ADGRG6: variants seen among roughly 807,000 people sequenced by gnomAD.
ADGRG6 encodes the protein G-protein coupled receptor 126.
In ADGRG6, 84 loss-of-function variants were observed where a neutral mutation model predicts 142.4. The observed-to-expected ratio is 0.59, with a 90% confidence interval of 0.49 to 0.71. The LOEUF is 0.71. ADGRG6 is among the 30% of genes least tolerant of loss of function. ADGRG6 has a pLI of 0.00. For missense variants in ADGRG6, 1,367 were observed against 1,466.6 expected (o/e 0.93, Z 1.11); for synonymous variants, 521 against 520.5 (o/e 1.00, Z -0.01).
Position 142,403,771 on chromosome 6 carries a change from T to C in ADGRG6, c.1956-31T>C. ...TTAAGAATCTAAAATATCATATTAC[T>C]TAATAGTGGCATTTTTTGTCGTTAC... On this transcript the variant is annotated intron_variant, in intron 13 of 24. Coordinates refer to ENST00000367609, the MANE Select transcript of ADGRG6 (RefSeq NM_198569.3). The C allele has an allele frequency of 2.2e-6, 3 of 1,392,976 alleles. No individual in the cohort carries two copies. The South Asian group carries it at 3.8e-5, about 18-fold the overall frequency. 86.3% of individuals were successfully genotyped at this position (1,392,976 alleles called of 1,614,324 possible). A position where few individuals can be genotyped will look rare whatever the true frequency, so the allele number is the denominator to read the frequency against.
intron 24 of ADGRG6, among the ~76,000 whole-genome samples, chr6:142,438,995 A>C (rs773177612): frequency 6.6e-6 from 1 of 152,286 alleles, no homozygotes; most frequent in Non-Finnish European, 1.5e-5. Context: ...GGAAATAAAG[A>C]ATATTTTAAG....
intron 2 of ADGRG6, among the ~76,000 whole-genome samples, chr6:142,318,907 G>A (rs1232124277): frequency 6.6e-6 from 1 of 152,052 alleles, no homozygotes; most frequent in African/African-American, 2.4e-5. Context: ...AGCTGAATGA[G>A]GACTTCCAGC....
chr6:142,318,370 T>TATTATATA (rs1221208752), intron 2 of ADGRG6, among the ~76,000 whole-genome samples: 4 of 102,136 alleles, frequency 3.9e-5, no homozygotes, highest in East Asian at 4.6e-4. Context: ...AATATTTATA[T>TATTATATA]ATATTTATAT....
chr6:142,356,140 A>G (rs139226409), intron 2 of ADGRG6, among the ~76,000 whole-genome samples: 4 of 152,336 alleles, frequency 2.6e-5, no homozygotes, highest in South Asian at 2.1e-4. Flanking sequence ...TTGCTTTTCA[A>G]TAGTTCTATT....
At chr6:142,376,326 A>C (rs1425655248) in intron 4 of ADGRG6, among the ~76,000 whole-genome samples, 1 of 152,214 alleles carries the variant, frequency 6.6e-6, no homozygotes, top group East Asian at 1.9e-4. Flanking sequence ...GGTACAGTAT[A>C]ACGCAATGAA....
At chr6:142,441,926 A>G (rs1422505603) in intron 24 of ADGRG6, among the ~76,000 whole-genome samples, 1 of 152,176 alleles carries the variant, frequency 6.6e-6, no homozygotes, top group Non-Finnish European at 1.5e-5. Flanking sequence ...CGTTCTCTCC[A>G]TGAACCATCT....
At chr6:142,346,131 T>A (rs979200105) in intron 2 of ADGRG6, among the ~76,000 whole-genome samples, 2 of 152,134 alleles carry the variant, frequency 1.3e-5, no homozygotes, top group African/African-American at 2.4e-5. Flanking sequence ...ACTAAAGGTA[T>A]TCCTCACCTC....
intron 2 of ADGRG6, among the ~76,000 whole-genome samples, chr6:142,332,784 C>G (rs1779121862): frequency 6.6e-6 from 1 of 152,170 alleles, no homozygotes; most frequent in African/African-American, 2.4e-5. Flanking sequence ...CCTTCATCCT[C>G]CCAAGCAACA....
chr6:142,416,363 G>A (rs1195932152), intron 20 of ADGRG6, among the ~76,000 whole-genome samples: 2 of 152,096 alleles, frequency 1.3e-5, no homozygotes, highest in Non-Finnish European at 2.9e-5. Context: ...GAAGCAGCTG[G>A]CAGGCAGTGA....
chr6:142,347,443 A>G (rs991105045), intron 2 of ADGRG6, among the ~76,000 whole-genome samples: 7 of 152,196 alleles, frequency 4.6e-5, no homozygotes, highest in South Asian at 2.1e-4. Context: ...TAGTTCACCT[A>G]TGTAGAAAAC....
At chr6:142,380,468 C>G (rs1012890657) in intron 4 of ADGRG6, among the ~76,000 whole-genome samples, 12 of 152,158 alleles carry the variant, frequency 7.9e-5, no homozygotes, top group Middle Eastern at 3.2e-3. Flanking sequence ...TTCTAGTGCT[C>G]ATGGTGTTGC....
At chr6:142,309,680 C>T in intron 2 of ADGRG6, 36 bp downstream of exon 2, 1 of 1,294,220 alleles carries the variant, frequency 7.7e-7, no homozygotes, top group South Asian at 1.3e-5. Context: ...GGAATTTAAT[C>T]ATGATGACAT....
chr6:142,430,070 C>G (rs1303688701), intron 22 of ADGRG6, among the ~76,000 whole-genome samples: 1 of 151,452 alleles, frequency 6.6e-6, no homozygotes, highest in Non-Finnish European at 1.5e-5. Flanking sequence ...AAAAGAAAAA[C>G]AAAAACAAAA....
At chr6:142,410,609 T>A (rs890950641) in intron 17 of ADGRG6, among the ~76,000 whole-genome samples, 1 of 152,068 alleles carries the variant, frequency 6.6e-6, no homozygotes, top group Non-Finnish European at 1.5e-5. Flanking sequence ...GAAAACAGCC[T>A]GAAAAGGGCA....
At chr6:142,317,743 A>AATATATATTTATATT (rs1445535268) in intron 2 of ADGRG6, among the ~76,000 whole-genome samples, 1 of 107,680 alleles carries the variant, frequency 9.3e-6, no homozygotes, top group African/African-American at 3.8e-5. Flanking sequence ...ATATTTATAT[A>AATATATATTTATATT]ATATATATTT....
intron 14 of ADGRG6, 68 bp downstream of exon 14, chr6:142,404,041 AG>A: frequency 8.5e-7 from 1 of 1,182,308 alleles, no homozygotes; most frequent in Non-Finnish European, 1.3e-6. Context: ...CTGATCACTT[AG>A]CAGTTGCTGC....
intron 7 of ADGRG6, 128 bp from the exon 8 acceptor site, chr6:142,392,820 C>G: frequency 1.5e-6 from 1 of 646,934 alleles, no homozygotes; most frequent in South Asian, 1.9e-5. Context: ...TAACTGTTCA[C>G]TCCTCCAACT....
Position 142,437,529 on chromosome 6 carries a change from A to C in ADGRG6, c.3415A>C (p.Asn1139His). ...LCCGRFRLAD[N>H]SDWSKTATNI... ...CTGTGGTAGATTTCGGTTAGCAGAT[A>C]ACTCAGGTAAAGAGTTGTTGATTAA... Residue 1139 changes from asparagine (N) to histidine (H), a missense_variant, in exon 23 of 25, where the codon AAC becomes CAC. Coordinates refer to ENST00000367609, the MANE Select transcript of ADGRG6 (RefSeq NM_198569.3). 7.0e-7 allele frequency: 1 copy of C among 1,420,836 alleles called. No individual in the cohort carries two copies. The highest frequency in any genetic ancestry group is 1.0e-6 in the Non-Finnish European group (1 of 1,003,698). The allele number at this position is 1,420,836 out of a possible 1,614,324, so 88.0% of individuals were successfully genotyped here. A position where few individuals can be genotyped will look rare whatever the true frequency, so the allele number is the denominator to read the frequency against.
chr6:142,352,411 A>G (rs1298028093), intron 2 of ADGRG6, among the ~76,000 whole-genome samples: 1 of 152,148 alleles, frequency 6.6e-6, no homozygotes, highest in Non-Finnish European at 1.5e-5. Context: ...TGGGAGCTTG[A>G]ATTGAATACA....
Sources: allele counts gnomAD v4.1 joint callset (sites outside exome capture counted in the v4.1 genomes callset), GRCh38; gene constraint gnomAD v4.1.1; transcripts MANE v1.5; gene names NCBI Gene and HGNC (gene_info 2026-07-23, HGNC 2026-07-21).